Variants in PLA2G4A observed in about 807,000 individuals in gnomAD.
The protein encoded by PLA2G4A is cytosolic phospholipase A2.
In PLA2G4A, 40 loss-of-function variants were observed where a neutral mutation model predicts 81.9. That is an observed-to-expected ratio of 0.49 (90% CI 0.38 to 0.64). PLA2G4A has a LOEUF of 0.64. Ranked by LOEUF, PLA2G4A falls within the 30% of genes least tolerant of loss-of-function variation. The probability of loss-of-function intolerance (pLI) is 0.00; values close to 1 mark genes in which losing one functional copy is unlikely to be tolerated. For synonymous variants in PLA2G4A, 302 were observed against 296.9 expected, an observed-to-expected ratio of 1.02 and a Z score of -0.18; for missense variants, 715 against 905.1, an observed-to-expected ratio of 0.79 and a Z score of 2.69.
At chr1:186,938,517 T>C (rs941939127) in intron 8 of PLA2G4A, among the ~76,000 whole-genome samples, 1 of 152,052 alleles carries the variant, frequency 6.6e-6, no homozygotes, top group Non-Finnish European at 1.5e-5. Flanking sequence ...AATGGATAAT[T>C]AAGGAGAAAA....
intron 7 of PLA2G4A, among the ~76,000 whole-genome samples, chr1:186,918,560 C>A (rs959201790): frequency 6.6e-6 from 1 of 152,192 alleles, no homozygotes; most frequent in Non-Finnish European, 1.5e-5. Flanking sequence ...ACCGCATATC[C>A]TGCACATCTT....
intron 15 of PLA2G4A, among the ~76,000 whole-genome samples, chr1:186,975,493 C>A (rs1462432627): frequency 6.6e-6 from 1 of 152,126 alleles, no homozygotes; most frequent in Non-Finnish European, 1.5e-5. Context: ...TACTTGTTTT[C>A]TTCTAATGTA....
intron 15 of PLA2G4A, among the ~76,000 whole-genome samples, chr1:186,968,472 C>T (rs1351985427): frequency 6.9e-6 from 1 of 145,474 alleles, no homozygotes; most frequent in Non-Finnish European, 1.5e-5. Flanking sequence ...TGCATTCTGT[C>T]TCTTTCTACT....
At chr1:186,909,018 G>C (rs4650706) in intron 6 of PLA2G4A, among the ~76,000 whole-genome samples, 1 of 137,286 alleles carries the variant, frequency 7.3e-6, no homozygotes, top group Non-Finnish European at 1.5e-5. Flanking sequence ...CTGTCACCCA[G>C]GCTGGAGTGC....
Position 186,983,100 on chromosome 1 carries a change from G to GA in PLA2G4A, c.2118+3632dup, listed in dbSNP as rs201294189. Among the ~76,000 whole-genome samples the GA allele has an allele frequency of 4.0e-3, 558 of 140,800 alleles. 3 individuals carry two copies. Among genetic ancestry groups the GA allele is most frequent in the Non-Finnish European group, 5.4e-3 (349 of 64,808 alleles). 92.4% of individuals were successfully genotyped at this position (140,800 alleles called of 152,430 possible). On this transcript the variant is annotated intron_variant, in intron 17 of 17. Coordinates refer to ENST00000367466, the MANE Select transcript of PLA2G4A (RefSeq NM_024420.3). ...GTCTGTCTCAAAAAAAAAAAAAAAA[G>GA]AAAAGAAAAGAAAAGAAAACACATT...
intron 3 of PLA2G4A, among the ~76,000 whole-genome samples, chr1:186,875,310 T>C (rs1653425705): frequency 6.6e-6 from 1 of 152,106 alleles, no homozygotes; most frequent in Non-Finnish European, 1.5e-5. Flanking sequence ...ACATTAATAC[T>C]GTTTATTTTT....
intron 10 of PLA2G4A, among the ~76,000 whole-genome samples, chr1:186,943,634 A>G (rs1300362449): frequency 6.6e-6 from 1 of 152,174 alleles, no homozygotes. Context: ...AGAAGGATCT[A>G]TCAAGTACGG....
intron 15 of PLA2G4A, among the ~76,000 whole-genome samples, chr1:186,970,689 G>T (rs193169046): frequency 1.9e-4 from 29 of 151,984 alleles, no homozygotes; most frequent in Non-Finnish European, 2.9e-5. Context: ...TATATTCTGG[G>T]CAACTTTGTT....
intron 13 of PLA2G4A, among the ~76,000 whole-genome samples, chr1:186,951,214 T>A (rs1323205045): frequency 6.6e-6 from 1 of 152,138 alleles, no homozygotes; most frequent in African/African-American, 2.4e-5. Context: ...GGTAAAAGTA[T>A]CAAGAACTTG....
At chr1:186,960,034 G>C (rs1249206876) in intron 14 of PLA2G4A, among the ~76,000 whole-genome samples, 2 of 152,112 alleles carry the variant, frequency 1.3e-5, no homozygotes, top group African/African-American at 2.4e-5. Flanking sequence ...CCTAAAATCA[G>C]TAAAAGTGCG....
intron 7 of PLA2G4A, among the ~76,000 whole-genome samples, chr1:186,921,285 TTGCCTTTCATCTG>T (rs2102179064): frequency 6.6e-6 from 1 of 152,316 alleles, no homozygotes; most frequent in African/African-American, 2.4e-5. Flanking sequence ...GGAGCACCCT[TTGCCTTTCATCTG>T]TGTTTAAAAG....
At chr1:186,881,808 C>G (rs1653744632) in intron 3 of PLA2G4A, among the ~76,000 whole-genome samples, 2 of 152,088 alleles carry the variant, frequency 1.3e-5, no homozygotes, top group Non-Finnish European at 2.9e-5. Flanking sequence ...GACTGTTGTG[C>G]CTATGATAAA....
intron 17 of PLA2G4A, among the ~76,000 whole-genome samples, chr1:186,982,480 C>T (rs1384258480): frequency 6.6e-6 from 1 of 152,216 alleles, no homozygotes; most frequent in Middle Eastern, 3.2e-3. Context: ...ATGTCCTTAT[C>T]TTGTACCCCT....
In PLA2G4A at chr1:186,899,815, C is replaced by T. The variant is rs112279079; in HGVS notation, c.378+5604C>T. On this transcript the variant is annotated intron_variant, in intron 5 of 17. Transcript: ENST00000367466. ...AAAGGTGGGTGCAGCTTACCACAGA[C>T]TGCTTCTGTGGAAAGTGACTAGAAT... 7.9e-4 allele frequency among the ~76,000 whole-genome samples: 121 copies of T among 152,242 alleles called. 2 individuals are homozygous for T. The highest frequency in any genetic ancestry group is 2.9e-3 in the African/African-American group (119 of 41,544).
intron 3 of PLA2G4A, among the ~76,000 whole-genome samples, chr1:186,871,895 C>G (rs1653285854): frequency 6.6e-6 from 1 of 151,740 alleles, no homozygotes; most frequent in Non-Finnish European, 1.5e-5. Flanking sequence ...GGACTTCAGC[C>G]TGTTGAAATG....
intron 12 of PLA2G4A, among the ~76,000 whole-genome samples, chr1:186,949,201 G>T (rs1209253457): frequency 6.6e-6 from 1 of 151,318 alleles, no homozygotes; most frequent in Non-Finnish European, 1.5e-5. Context: ...TTACAAATAA[G>T]ACAGTATTTT....
intron 2 of PLA2G4A, among the ~76,000 whole-genome samples, chr1:186,857,326 A>G (rs1188137785): frequency 1.6e-5 from 2 of 122,558 alleles, no homozygotes; most frequent in Non-Finnish European, 3.2e-5. Flanking sequence ...GTAATATAAT[A>G]TAAATATAAT....
rs529525868 is a variant in PLA2G4A, at chr1:186,891,103, CT to C, written c.116-1900del. ...TTTTTCTAACATTGACAAATATAAT[CT>C]TTTTTTTAAAAAAAAGTATTTTTCA... On this transcript the variant is annotated intron_variant, in intron 3 of 17. Coordinates refer to ENST00000367466, the MANE Select transcript of PLA2G4A (RefSeq NM_024420.3). 2.7e-4 allele frequency among the ~76,000 whole-genome samples: 41 copies of C among 151,556 alleles called. 1 individual carries two copies. In the East Asian group the frequency reaches 5.2e-3, roughly 19 times the overall value.
intron 3 of PLA2G4A, among the ~76,000 whole-genome samples, chr1:186,892,389 T>G (rs146745844): frequency 1.0e-3 from 154 of 152,334 alleles, no homozygotes; most frequent in Admixed American, 1.9e-3. Flanking sequence ...TCCTGGAGAT[T>G]TTCCCCAATG....
Sources: allele counts gnomAD v4.1 joint callset (sites outside exome capture counted in the v4.1 genomes callset), GRCh38; gene constraint gnomAD v4.1.1; transcripts MANE v1.5; gene names NCBI Gene and HGNC (gene_info 2026-07-23, HGNC 2026-07-21).